TIE1: variants seen among roughly 807,000 people sequenced by gnomAD.
TIE1 encodes the protein tyrosine-protein kinase receptor Tie-1.
TIE1 carries 89 observed loss-of-function variants against 130.5 expected under a neutral mutation model. The ratio of observed to expected loss-of-function variants is 0.68; its 90% CI spans 0.57 to 0.81. The LOEUF (loss-of-function observed/expected upper bound fraction) is 0.81. TIE1 is among the 40% of genes least tolerant of loss of function. The pLI, the probability that TIE1 is intolerant of heterozygous loss-of-function variation, is 0.00. For missense variants in TIE1, 1,392 were observed against 1,559.8 expected (o/e 0.89, Z 1.81); for synonymous variants, 568 against 629.4 (o/e 0.90, Z 1.46).
In TIE1 at chr1:43,305,229, G is replaced by T; in HGVS notation, c.374-4G>T. ...AGGCCGCTGACCCACCTTCCACCCC[G>T]CAGCCCACCTGCTTCCAGACAAGGT... is the stretch of plus-strand genomic sequence containing the variant. On this transcript the variant is annotated splice_polypyrimidine_tract_variant and splice_region_variant and intron_variant, in intron 2 of 22. Coordinates refer to ENST00000372476, the MANE Select transcript of TIE1 (RefSeq NM_005424.5). 6.2e-7 allele frequency: 1 copy of T among 1,613,828 alleles called. No individual in the cohort carries two copies. The highest frequency in any genetic ancestry group is 8.5e-7 in the Non-Finnish European group (1 of 1,179,830).
chr1:43,312,060 A>G lies in TIE1; in HGVS notation c.1559A>G (p.Gln520Arg). 1.2e-6 allele frequency: 2 copies of G among 1,607,562 alleles called. No individual in the cohort carries two copies. Among genetic ancestry groups the G allele is most frequent in the South Asian group, 2.2e-5 (2 of 90,338 alleles). The part of the protein sequence containing the change: ...RPKTGYSVRV[Q>R]LSRPGEGGEG... ...AAGACAGGATACAGTGTTCGTGTGC[A>G]GCTGAGCCGGCCAGGGGAAGGAGGA... Residue 520 changes from glutamine (Q) to arginine (R), a missense_variant, in exon 11 of 23, where the codon CAG (glutamine) becomes CGG (arginine). By Grantham distance (43) the Gln-to-Arg change is conservative. Around this residue, in one of 6 missense-constraint regions of TIE1, gnomAD observed 551 missense variants for 565.5 expected, o/e 0.97. Transcript: ENST00000372476. The surrounding 1 kb of genome is among the most constrained non-coding windows in gnomAD (Gnocchi z 5.6).
At position 43,307,934 on chromosome 1, in the gene TIE1, C is replaced by G. The variant is rs762449281; in HGVS notation, c.1042+10C>G. ...CACTGTGAGAAGTCAGGTATAAGCA[C>G]TATGACCTCTGAGAGCCCCCCAAGA... On this transcript the variant is annotated intron_variant, in intron 7 of 22. Transcript: ENST00000372476. The surrounding 1 kb of genome is among the most constrained non-coding windows in gnomAD (Gnocchi z 5.4). 2 of 1,613,644 alleles carry G rather than the reference C, an allele frequency of 1.2e-6. No homozygotes were observed. The highest frequency in any genetic ancestry group is 1.7e-4 in the Middle Eastern group (1 of 6,060).
rs570803002 is a variant in TIE1, at chr1:43,312,574, C to T, written c.1900C>T (p.Pro634Ser). 1.9e-6 allele frequency: 3 copies of T among 1,610,400 alleles called. No individual in the cohort carries two copies. The highest frequency in any genetic ancestry group is 1.3e-5 in the African/African-American group (1 of 74,990). The change falls in exon 12 of 23, where the codon CCT (proline) becomes TCT (serine). Residue 634 changes from proline (P) to serine (S), a missense_variant. Physicochemically the swap from Pro to Ser is moderately conservative, Grantham distance 74. This residue lies in a region of TIE1 where 551 missense variants were observed against 565.5 expected (regional missense o/e 0.97). Transcript: ENST00000372476. This position sits in a 1 kb window ranked among gnomAD's most constrained non-coding sequence, Gnocchi z 5.6. Reference protein sequence around the residue: ...HCTLLGPASPPAHVLLPPSGP... With the variant: ...HCTLLGPASPSAHVLLPPSGP... ...CACCCTCCTGGGCCCGGCCTCGCCC[C>T]CTGCACACGTGCTTCTGCCCCCCAG...
In TIE1 at chr1:43,306,340, G is replaced by A. The variant is rs1638829275; in HGVS notation, c.485-500G>A. 6.6e-6 allele frequency among the ~76,000 whole-genome samples: 1 copy of A among 152,242 alleles called. No homozygotes were observed. Among genetic ancestry groups the A allele is most frequent in the Admixed American group, 6.5e-5 (1 of 15,290 alleles). On this transcript the variant is annotated intron_variant, in intron 3 of 22. Transcript: ENST00000372476. This position sits in a 1 kb window ranked among gnomAD's most constrained non-coding sequence, Gnocchi z 4.9. ...TGTTAGGAGTCAAGAAGGGTGTGAAGACGAATGGGGCTGGATGGCTTGGCC... is the reference window on the plus strand; with the variant it reads ...TGTTAGGAGTCAAGAAGGGTGTGAAAACGAATGGGGCTGGATGGCTTGGCC...
chr1:43,309,462 TG>T lies in TIE1; in HGVS notation c.1266del (p.Phe423SerfsTer21), dbSNP rs1263478547. The T allele has an allele frequency of 8.7e-6, 14 of 1,611,620 alleles. No individual in the cohort carries two copies. The highest frequency in any genetic ancestry group is 1.2e-5 in the Non-Finnish European group (14 of 1,179,074). The stretch of plus-strand genomic sequence containing the variant: ...TGCCCCGCTTGGTTCTTGCGGACAG[TG>T]GGTTCTGGGAGTGCCGTGTGTCCAC... The part of the protein sequence containing the change: ...EVPRLVLADS[G>X]FWECRVSTSG... On this transcript the variant is annotated frameshift_variant, in exon 9 of 23. Coordinates refer to ENST00000372476, the MANE Select transcript of TIE1 (RefSeq NM_005424.5). LOFTEE classifies it high-confidence loss of function. This position sits in a 1 kb window ranked among gnomAD's most constrained non-coding sequence, Gnocchi z 6.3.
chr1:43,310,408 A>T (rs1646777335), intron 9 of TIE1, among the ~76,000 whole-genome samples: 1 of 152,190 alleles, frequency 6.6e-6, no homozygotes, highest in Non-Finnish European at 1.5e-5. Context: ...TGAAATGGGG[A>T]TAGCTAGCAC....
chr1:43,320,918 T>C (rs934627226), intron 19 of TIE1: 4 of 236,102 alleles, frequency 1.7e-5, no homozygotes, highest in African/African-American at 9.2e-5. Context: ...CTGAGCATGG[T>C]GGCACACACC....
rs1037078603 is a variant in TIE1 at position 43,316,038 on chromosome 1, A to G, written c.2410-1161A>G. ...CGTGCCATTGCCCTTCCGCCTGGGC[A>G]ACAGAGCGAGACCTTGTCTCAAAAC... On this transcript the variant is annotated intron_variant, in intron 14 of 22. Transcript: ENST00000372476. The surrounding 1 kb of genome is among the most constrained non-coding windows in gnomAD (Gnocchi z 4.4). 1.1e-4 allele frequency among the ~76,000 whole-genome samples: 17 copies of G among 152,218 alleles called. No homozygotes were observed. Among genetic ancestry groups the G allele is most frequent in the African/African-American group, 3.6e-4 (15 of 41,452 alleles).
chr1:43,319,609 G>A lies in TIE1; in HGVS notation c.3107+80G>A. On this transcript the variant is annotated intron_variant, in intron 19 of 22. Transcript: ENST00000372476. This position sits in a 1 kb window ranked among gnomAD's most constrained non-coding sequence, Gnocchi z 4.7. ...CCTGACCTAGACATATCTCAGAAAT[G>A]TCATAGGTGGTCTAAGGCATGACCT... 4.9e-6 allele frequency: 7 copies of A among 1,420,272 alleles called. No individual in the cohort carries two copies. The highest frequency in any genetic ancestry group is 7.0e-6 in the Non-Finnish European group (7 of 1,005,146). The allele number at this position is 1,420,272 out of a possible 1,614,324, so 88.0% of individuals were successfully genotyped here.
chr1:43,314,982 G>GCAACCTCACCCACTT (rs60940165), intron 14 of TIE1, among the ~76,000 whole-genome samples: 1 of 151,934 alleles, frequency 6.6e-6, no homozygotes, highest in Admixed American at 6.6e-5. Flanking sequence ...GTGCTGGCCT[G>GCAACCTCACCCACTT]CTCCTTGAAA....
At chr1:43,314,608 G>A (rs558783664) in intron 14 of TIE1, 30 of 950,174 alleles carry the variant, frequency 3.2e-5, no homozygotes, top group East Asian at 1.2e-4. Flanking sequence ...CGGGTGGATC[G>A]CCTGAGGTCA....
chr1:43,304,204 G>C (rs1198604853), intron 1 of TIE1, among the ~76,000 whole-genome samples: 1 of 152,176 alleles, frequency 6.6e-6, no homozygotes, highest in East Asian at 1.9e-4. Context: ...TTAAGTGCTG[G>C]GATTCCAGGC....
chr1:43,305,019 C>A lies in TIE1; in HGVS notation c.227C>A (p.Pro76Gln). 1 of 1,565,556 alleles carries A rather than the reference C, an allele frequency of 6.4e-7. No homozygotes were observed. Among genetic ancestry groups the A allele is most frequent in the Non-Finnish European group, 8.7e-7 (1 of 1,153,750 alleles). The stretch of plus-strand genomic sequence containing the variant: ...CGTATCGTGCGCACCCCGCCCGGGC[C>A]ACCCCTGCGCCTGGCGCGCAACGGT... ...DDRIVRTPPGPPLRLARNGSH... is the reference protein window; with the variant it reads ...DDRIVRTPPGQPLRLARNGSH... Residue 76 changes from proline (P) to glutamine (Q), a missense_variant, in exon 2 of 23, where the codon CCA (proline) becomes CAA (glutamine). This residue lies in a region of TIE1 where 415 missense variants were observed against 424.8 expected (regional missense o/e 0.98). Transcript: ENST00000372476.
In TIE1 at chr1:43,307,346, G is replaced by A; in HGVS notation, c.772+73G>A. 2 of 1,611,744 alleles carry A rather than the reference G, an allele frequency of 1.2e-6. No homozygotes were observed. The highest frequency in any genetic ancestry group is 2.2e-5 in the East Asian group (1 of 44,794). On this transcript the variant is annotated intron_variant, in intron 5 of 22. Coordinates refer to ENST00000372476, the MANE Select transcript of TIE1 (RefSeq NM_005424.5). The surrounding 1 kb of genome is among the most constrained non-coding windows in gnomAD (Gnocchi z 5.4). ...GGGAGAAGACCCTAGAACCATGTGGGTGGAGCTTGGAGGGTAAGGGCGACA... is the reference window on the plus strand; with the variant it reads ...GGGAGAAGACCCTAGAACCATGTGGATGGAGCTTGGAGGGTAAGGGCGACA...
In TIE1 at chr1:43,309,058, G is replaced by A. The variant is rs200472468; in HGVS notation, c.1115G>A (p.Cys372Tyr). The A allele has an allele frequency of 1.9e-6, 3 of 1,613,918 alleles. No homozygotes were observed. Among genetic ancestry groups the A allele is most frequent in the Non-Finnish European group, 2.5e-6 (3 of 1,179,958 alleles). ...FNLETMPRIN[C>Y]AAAGNPFPVR... Reference sequence around the variant, plus strand: ...TTAGAGACGATGCCCCGGATCAACTGTGCAGCTGCAGGGAACCCCTTCCCC... The same window carrying A: ...TTAGAGACGATGCCCCGGATCAACTATGCAGCTGCAGGGAACCCCTTCCCC... The change falls in exon 8 of 23, where the codon TGT becomes TAT. Residue 372 changes from cysteine (C) to tyrosine (Y), a missense_variant. Physicochemically the swap from Cys to Tyr is radical, Grantham distance 194. Around this residue, in one of 6 missense-constraint regions of TIE1, gnomAD observed 551 missense variants for 565.5 expected, o/e 0.97. Transcript: ENST00000372476. The surrounding 1 kb of genome is among the most constrained non-coding windows in gnomAD (Gnocchi z 6.3).
In TIE1 at chr1:43,309,491, C is replaced by T. The variant is rs974817281; in HGVS notation, c.1292C>T (p.Ser431Phe). Reference sequence around the variant, plus strand: ...TTCTGGGAGTGCCGTGTGTCCACATCTGGCGGCCAAGACAGCCGGCGCTTC... The same window carrying T: ...TTCTGGGAGTGCCGTGTGTCCACATTTGGCGGCCAAGACAGCCGGCGCTTC... ...SGFWECRVST[S>F]GGQDSRRFKV... The change falls in exon 9 of 23, where the codon TCT (serine) becomes TTT (phenylalanine). Residue 431 changes from serine to phenylalanine, a missense_variant. Physicochemically the swap from Ser to Phe is radical, Grantham distance 155. Around this residue, in one of 6 missense-constraint regions of TIE1, gnomAD observed 551 missense variants for 565.5 expected, o/e 0.97. Coordinates refer to ENST00000372476, the MANE Select transcript of TIE1 (RefSeq NM_005424.5). This position sits in a 1 kb window ranked among gnomAD's most constrained non-coding sequence, Gnocchi z 6.3. The T allele has an allele frequency of 8.7e-6, 14 of 1,605,926 alleles. No homozygotes were observed. Among genetic ancestry groups the T allele is most frequent in the Non-Finnish European group, 1.1e-5 (13 of 1,177,240 alleles).
chr1:43,303,681 G>A (rs1557439261), intron 1 of TIE1, among the ~76,000 whole-genome samples: 1 of 151,966 alleles, frequency 6.6e-6, no homozygotes, highest in African/African-American at 2.4e-5. Context: ...CTCACATTTT[G>A]TACTCCAGTC....
intron 7 of TIE1, 66 bp from the exon 8 acceptor site, chr1:43,308,920 G>A (rs776037480): frequency 1.2e-6 from 2 of 1,609,426 alleles, no homozygotes; most frequent in Non-Finnish European, 1.7e-6. Flanking sequence ...ACACGGATGA[G>A]GGGCGCTTTG....
At chr1:43,314,866 T>C (rs1646844259) in intron 14 of TIE1, among the ~76,000 whole-genome samples, 1 of 152,102 alleles carries the variant, frequency 6.6e-6, no homozygotes, top group Non-Finnish European at 1.5e-5. Context: ...ACTAAAGAAC[T>C]GTAGGGGCTT....
Sources: gnomAD v4.1 joint callset for allele counts (sites outside exome capture counted in the v4.1 genomes callset) on GRCh38, gnomAD v4.1.1 for gene constraint, gnomAD v4.1.1 regional missense constraint, Gnocchi (gnomAD v3.1) non-coding constraint, MANE v1.5 for transcripts, NCBI Gene and HGNC (gene_info 2026-07-23, HGNC 2026-07-21) for gene names.